Variants in UPK3BL1 observed in about 807,000 individuals in gnomAD.
UPK3BL1 encodes the protein uroplakin 3B like 1, also known as uroplakin-3b-like protein 1.
chr7:102,640,987 CT>C (rs1791530678), intron 1 of UPK3BL1, among the ~76,000 whole-genome samples: 1 of 30,100 alleles, frequency 3.3e-5, no homozygotes. Context: ...TGGCCCCTCT[CT>C]TAGGAGCCTA....
chr7:102,638,162 C>G (rs879318598), intron 5 of UPK3BL1, among the ~76,000 whole-genome samples: 1 of 132,130 alleles, frequency 7.6e-6, no homozygotes, highest in Non-Finnish European at 1.6e-5. Flanking sequence ...AATCCTGACA[C>G]CCCCCCCTTT....
At position 102,640,398 on chromosome 7, in the gene UPK3BL1, C is replaced by T; in HGVS notation, c.291G>A (p.Thr97=). Residue 97 remains threonine (T), a synonymous_variant, in exon 3 of 6, where the codon ACG becomes ACA. Coordinates refer to ENST00000340457, the MANE Select transcript of UPK3BL1 (RefSeq NM_001114403.3). ...GGATGTCCTGGTTTGTCCGTGGGGCCGTGAAGCTCTGGGTGGCTAAGGGTG... is the reference window on the plus strand; with the variant it reads ...GGATGTCCTGGTTTGTCCGTGGGGCTGTGAAGCTCTGGGTGGCTAAGGGTG... ...VALSNATQSF[T]APRTNQDIPA... is the part of the protein sequence containing the mutation. 1 of 62,246 alleles carries T rather than the reference C, an allele frequency of 1.6e-5. No individual in the cohort carries two copies. Among genetic ancestry groups the T allele is most frequent in the South Asian group, 6.8e-5 (1 of 14,666 alleles). The allele number at this position is 62,246 out of a possible 1,614,324, so 3.9% of individuals were successfully genotyped here.
chr7:102,638,006 C>CA, intron 5 of UPK3BL1, among the ~76,000 whole-genome samples: 1 of 10,252 alleles, frequency 9.8e-5, no homozygotes, highest in African/African-American at 3.9e-4. Context: ...CCTGCCCCTC[C>CA]TGCCCCCACA....
chr7:102,638,165 C>CCG (rs1791444219), intron 5 of UPK3BL1, among the ~76,000 whole-genome samples: 1 of 147,374 alleles, frequency 6.8e-6, no homozygotes, highest in Admixed American at 6.8e-5. Flanking sequence ...CCTGACACCC[C>CCG]CCCCTTTTTT....
rs1791487534 is a variant in UPK3BL1 at position 102,639,214 on chromosome 7, C to T, written c.486-15G>A. 6.5e-7 allele frequency: 1 copy of T among 1,548,200 alleles called. No homozygotes were observed. The highest frequency in any genetic ancestry group is 8.7e-7 in the Non-Finnish European group (1 of 1,144,170). On this transcript the variant is annotated splice_polypyrimidine_tract_variant and intron_variant, in intron 3 of 5. Coordinates refer to ENST00000340457, the MANE Select transcript of UPK3BL1 (RefSeq NM_001114403.3). The stretch of plus-strand genomic sequence containing the variant: ...GGAACTTCACCCTGAATGGGAGACC[C>T]AGCATTGGACATGGGGGTCCCCCGG...
At chr7:102,638,247 C>T (rs1791449139) in intron 5 of UPK3BL1, among the ~76,000 whole-genome samples, 1 of 152,174 alleles carries the variant, frequency 6.6e-6, no homozygotes, top group African/African-American at 2.4e-5. Flanking sequence ...CTGCAACCTC[C>T]ACCTCCCAGG....
At chr7:102,639,963 C>CAAAAAAAAAAAA (rs1554350613) in intron 3 of UPK3BL1, among the ~76,000 whole-genome samples, 6 of 12,086 alleles carry the variant, frequency 5.0e-4, no homozygotes, top group African/African-American at 8.0e-4. Flanking sequence ...AAAAACAAAA[C>CAAAAAAAAAAAA]AAAAAAAAAA....
At chr7:102,639,963 C>CAAAAAAAAAAAAAAAAAAAA (rs1554350613) in intron 3 of UPK3BL1, among the ~76,000 whole-genome samples, 1 of 12,098 alleles carries the variant, frequency 8.3e-5, no homozygotes, top group African/African-American at 2.6e-4. Flanking sequence ...AAAAACAAAA[C>CAAAAAAAAAAAAAAAAAAAA]AAAAAAAAAA....
intron 5 of UPK3BL1, among the ~76,000 whole-genome samples, chr7:102,638,152 A>C: frequency 7.3e-6 from 1 of 137,408 alleles, no homozygotes; most frequent in South Asian, 2.4e-4. Flanking sequence ...CTCTGTATGA[A>C]ATCCTGACAC....
At position 102,637,409 on chromosome 7, in the gene UPK3BL1, A is replaced by G. The variant is rs1269839727; in HGVS notation, c.*116T>C. On this transcript the variant is annotated 3_prime_UTR_variant, in exon 6 of 6. Transcript: ENST00000340457. Reference sequence around the variant, plus strand: ...TCAAAAAAAAAAAAAAAAAAATAGTAAAGAAAAGAAACAATCTCTCTCAGG... The same window carrying G: ...TCAAAAAAAAAAAAAAAAAAATAGTGAAGAAAAGAAACAATCTCTCTCAGG... The G allele has an allele frequency of 4.1e-6, 2 of 484,436 alleles. No homozygotes were observed. Among genetic ancestry groups the G allele is most frequent in the Non-Finnish European group, 7.6e-6 (2 of 262,150 alleles). 30.0% of individuals were successfully genotyped at this position (484,436 alleles called of 1,614,324 possible).
chr7:102,641,839 G>A (rs371795405), intron 1 of UPK3BL1, among the ~76,000 whole-genome samples: 1,323 of 76,928 alleles, frequency 0.017, 20 homozygotes, highest in African/African-American at 0.046. Context: ...GGCCGGGCGC[G>A]GTGGCTCACG....
At chr7:102,642,226 TTTTTC>T (rs1311482195) in intron 1 of UPK3BL1, among the ~76,000 whole-genome samples, 2 of 24,496 alleles carry the variant, frequency 8.2e-5, no homozygotes, top group South Asian at 1.1e-3. Context: ...GCCTGTCCAG[TTTTTC>T]TTTTCTTTTC....
chr7:102,641,831 C>T (rs1043986391), intron 1 of UPK3BL1, among the ~76,000 whole-genome samples: 2 of 80,826 alleles, frequency 2.5e-5, no homozygotes, highest in African/African-American at 3.6e-5. Flanking sequence ...GAAGTGGAGG[C>T]CGGGCGCGGT....
At position 102,637,462 on chromosome 7, in the gene UPK3BL1, C is replaced by T; in HGVS notation, c.*63G>A. The T allele has an allele frequency of 4.3e-6, 2 of 460,984 alleles. No homozygotes were observed. Among genetic ancestry groups the T allele is most frequent in the South Asian group, 2.5e-5 (1 of 39,650 alleles). 28.6% of individuals were successfully genotyped at this position (460,984 alleles called of 1,614,324 possible). On this transcript the variant is annotated 3_prime_UTR_variant, in exon 6 of 6. Coordinates refer to ENST00000340457, the MANE Select transcript of UPK3BL1 (RefSeq NM_001114403.3). ...CCAGAAGCTTCAGGGCGTGTCCCAGCTCAGGCTCTGCAGCCTGGGCCAGGG... is the reference window on the plus strand; with the variant it reads ...CCAGAAGCTTCAGGGCGTGTCCCAGTTCAGGCTCTGCAGCCTGGGCCAGGG...
At chr7:102,638,537 TG>T (rs1791458545) in intron 5 of UPK3BL1, among the ~76,000 whole-genome samples, 176 bp downstream of exon 5, 1 of 139,488 alleles carries the variant, frequency 7.2e-6, no homozygotes, top group Admixed American at 7.3e-5. Context: ...CCTCCCCGAC[TG>T]GGGTGTCCGC....
At chr7:102,642,109 GAAAAA>G (rs775435358) in intron 1 of UPK3BL1, among the ~76,000 whole-genome samples, 1 of 4,830 alleles carries the variant, frequency 2.1e-4, no homozygotes, top group Non-Finnish European at 4.3e-4. Flanking sequence ...ACTCTGTCTC[GAAAAA>G]AAAAAAAAAA....
chr7:102,639,982 G>GAAGAA (rs1554350624), intron 3 of UPK3BL1, among the ~76,000 whole-genome samples: 1 of 14,178 alleles, frequency 7.1e-5, no homozygotes, highest in Non-Finnish European at 1.6e-4. Flanking sequence ...AAAAAAAAAA[G>GAAGAA]AAGAAGAAGA....
At chr7:102,640,014 G>T (rs1190554781) in intron 3 of UPK3BL1, among the ~76,000 whole-genome samples, 190 bp downstream of exon 3, 1 of 15,312 alleles carries the variant, frequency 6.5e-5, no homozygotes, top group East Asian at 1.5e-3. Context: ...AAAAAAAAGA[G>T]AAGAAGGATA....
rs1216701294 is a variant in UPK3BL1 at position 102,638,806 on chromosome 7, G to C, written c.591C>G (p.Pro197=). The part of the protein sequence containing the change: ...QAQALRAVPG[P]QSPGTVVIIA... ...TGATGACCACGGTGCCCGGGCTCTG[G>C]GGGCCGGGGACAGCCCGAAGTGCCT... Residue 197 remains proline (P), a synonymous_variant, in exon 5 of 6, where the codon CCC becomes CCG. Transcript: ENST00000340457. 1.5e-6 allele frequency: 2 copies of C among 1,304,166 alleles called. No individual in the cohort carries two copies. Among genetic ancestry groups the C allele is most frequent in the Admixed American group, 2.9e-5 (1 of 34,538 alleles). The allele number at this position is 1,304,166 out of a possible 1,614,324, so 80.8% of individuals were successfully genotyped here. A position where few individuals can be genotyped will look rare whatever the true frequency, so the allele number is the denominator to read the frequency against.
Sources: gnomAD v4.1 joint callset for allele counts (sites outside exome capture counted in the v4.1 genomes callset) on GRCh38, gnomAD v4.1.1 for gene constraint, MANE v1.5 for transcripts, NCBI Gene and HGNC (gene_info 2026-07-23, HGNC 2026-07-21) for gene names.